LRRTM4: variants seen among roughly 807,000 people sequenced by gnomAD.
The protein encoded by LRRTM4 is leucine rich repeat transmembrane neuronal 4.
In LRRTM4, 25 loss-of-function variants were observed where a neutral mutation model predicts 47.6. The observed-to-expected ratio is 0.53, with a 90% CI of 0.38 to 0.73. The LOEUF (loss-of-function observed/expected upper bound fraction) is 0.73. Ranked by LOEUF, LRRTM4 falls within the 30% of genes least tolerant of loss-of-function variation. The pLI, the probability that LRRTM4 is intolerant of heterozygous loss-of-function variation, is 0.00. For missense variants in LRRTM4, 638 were observed against 713.4 expected, an observed-to-expected ratio of 0.89 and a Z score of 1.20; for synonymous variants, 311 against 269.5, an observed-to-expected ratio of 1.15 and a Z score of -1.51.
At chr2:76,972,505 C>T (rs902101303) in intron 3 of LRRTM4, among the ~76,000 whole-genome samples, 11 of 148,812 alleles carry the variant, frequency 7.4e-5, no homozygotes, top group Non-Finnish European at 1.6e-4. Context: ...GCAACCTCTG[C>T]CTCCTGAGTT....
chr2:76,770,464 T>C (rs946630954), intron 3 of LRRTM4, among the ~76,000 whole-genome samples: 1 of 152,188 alleles, frequency 6.6e-6, no homozygotes, highest in Non-Finnish European at 1.5e-5. Context: ...GTAAGGTTTG[T>C]GTCTTGTACC....
chr2:77,057,474 A>C (rs903288630), intron 3 of LRRTM4, among the ~76,000 whole-genome samples: 12 of 152,346 alleles, frequency 7.9e-5, no homozygotes, highest in African/African-American at 2.9e-4. Flanking sequence ...ACTAGCTCAC[A>C]AATAGTAACA....
intron 3 of LRRTM4, among the ~76,000 whole-genome samples, chr2:76,812,752 T>TCCC: frequency 8.3e-6 from 1 of 120,434 alleles, no homozygotes; most frequent in Non-Finnish European, 1.7e-5. Context: ...CTCCTCTCCC[T>TCCC]CCTTCTCCTC....
chr2:77,470,229 A>G (rs947698642), intron 3 of LRRTM4, among the ~76,000 whole-genome samples: 13 of 152,176 alleles, frequency 8.5e-5, no homozygotes, highest in African/African-American at 3.1e-4. Context: ...AGAATATTTC[A>G]TTCCAAATAG....
chr2:77,301,521 A>G (rs946350736), intron 3 of LRRTM4, among the ~76,000 whole-genome samples: 3 of 152,212 alleles, frequency 2.0e-5, no homozygotes, highest in Admixed American at 6.5e-5. Context: ...AAAAAGTAAT[A>G]CTGCACAAAT....
chr2:77,019,547 ATAAAT>A (rs1433146121), intron 3 of LRRTM4, among the ~76,000 whole-genome samples: 1 of 152,118 alleles, frequency 6.6e-6, no homozygotes, highest in African/African-American at 2.4e-5. Context: ...CAATGAGGAA[ATAAAT>A]TTAAATCCTT....
chr2:77,188,550 C>T (rs1673577314), intron 3 of LRRTM4, among the ~76,000 whole-genome samples: 1 of 152,112 alleles, frequency 6.6e-6, no homozygotes, highest in Admixed American at 6.6e-5. Flanking sequence ...GGCACCAGAC[C>T]CAAATATTCA....
At chr2:77,430,919 G>T (rs11685209) in intron 3 of LRRTM4, among the ~76,000 whole-genome samples, 55,404 of 147,310 alleles carry the variant, frequency 0.38, 12,048 homozygotes, top group African/African-American at 0.46. Context: ...TAAAAAAAAA[G>T]TCAGAGGAAA....
intron 3 of LRRTM4, among the ~76,000 whole-genome samples, chr2:77,309,915 G>A (rs944793770): frequency 1.3e-5 from 2 of 152,056 alleles, no homozygotes; most frequent in Non-Finnish European, 2.9e-5. Context: ...AAGTTTTATT[G>A]GAATACAGCC....
intron 3 of LRRTM4, among the ~76,000 whole-genome samples, chr2:76,766,883 T>C (rs1673477851): frequency 6.6e-6 from 1 of 152,166 alleles, no homozygotes; most frequent in African/African-American, 2.4e-5. Flanking sequence ...AAAAAAGAAC[T>C]ATCTGATCTA....
At chr2:77,047,719 T>C (rs964830481) in intron 3 of LRRTM4, among the ~76,000 whole-genome samples, 4 of 152,058 alleles carry the variant, frequency 2.6e-5, no homozygotes, top group Non-Finnish European at 5.9e-5. Flanking sequence ...TGACTCCATT[T>C]CCAAATCAAT....
intron 3 of LRRTM4, among the ~76,000 whole-genome samples, chr2:77,462,971 A>G (rs767045384): frequency 1.3e-5 from 2 of 152,066 alleles, no homozygotes; most frequent in Non-Finnish European, 2.9e-5. Context: ...GCCAGGGAGA[A>G]TTATTAATGC....
At chr2:76,847,049 A>G (rs571511098) in intron 3 of LRRTM4, among the ~76,000 whole-genome samples, 3 of 152,362 alleles carry the variant, frequency 2.0e-5, no homozygotes, top group South Asian at 2.1e-4. Context: ...TTATTAGACC[A>G]GTGCTCTCCA....
At chr2:77,066,754 A>C (rs1679968977) in intron 3 of LRRTM4, among the ~76,000 whole-genome samples, 1 of 152,224 alleles carries the variant, frequency 6.6e-6, no homozygotes, top group Non-Finnish European at 1.5e-5. Context: ...TATTAAAATA[A>C]TAGGAGCTAC....
At chr2:76,911,270 T>G (rs535143685) in intron 3 of LRRTM4, among the ~76,000 whole-genome samples, 1 of 152,184 alleles carries the variant, frequency 6.6e-6, no homozygotes, top group Non-Finnish European at 1.5e-5. Context: ...GATGCTAACC[T>G]CATCCCATCA....
At chr2:76,809,706 C>A (rs1670670362) in intron 3 of LRRTM4, among the ~76,000 whole-genome samples, 1 of 152,140 alleles carries the variant, frequency 6.6e-6, no homozygotes, top group African/African-American at 2.4e-5. Flanking sequence ...AAACCAAATA[C>A]AAACCTTGGC....
rs1466085248 is a variant in LRRTM4, at chr2:76,918,830, TAA to T, written c.1552-169916_1552-169915del. Among the ~76,000 whole-genome samples, 10 of 152,274 alleles carry T rather than the reference TAA, an allele frequency of 6.6e-5. No homozygotes were observed. The South Asian group carries it at 2.1e-3, about 32-fold the overall frequency. ...AATCCTTAGAAAGATTTCCCTCTGT[TAA>T]GAGCATGAATAAGAATGTCATCCAC... On this transcript the variant is annotated intron_variant, in intron 3 of 3. Transcript: ENST00000409884.
chr2:77,103,664 G>T (rs2860942), intron 3 of LRRTM4, among the ~76,000 whole-genome samples: 53,544 of 141,988 alleles, frequency 0.38, 11,709 homozygotes, highest in East Asian at 0.67. Flanking sequence ...TATATATATA[G>T]ATATATATAT....
intron 3 of LRRTM4, among the ~76,000 whole-genome samples, chr2:77,429,401 C>T (rs1467301108): frequency 2.0e-5 from 3 of 151,978 alleles, no homozygotes; most frequent in Non-Finnish European, 4.4e-5. Context: ...TCCTGCACTC[C>T]CATGATTTTG....
Sources: gnomAD v4.1 joint callset for allele counts (sites outside exome capture counted in the v4.1 genomes callset) on GRCh38, gnomAD v4.1.1 for gene constraint, MANE v1.5 for transcripts, NCBI Gene and HGNC (gene_info 2026-07-23, HGNC 2026-07-21) for gene names.